CHD7: variants seen among roughly 807,000 people sequenced by gnomAD.
CHD7 encodes the protein chromodomain helicase DNA binding protein 7, also known as ATP-dependent chromatin remodeler CHD7.
In CHD7, 24 loss-of-function variants were observed where a neutral mutation model predicts 307.3. That is an observed-to-expected ratio of 0.08 (90% CI 0.06 to 0.11). The LOEUF is 0.11. Among genes scored for constraint, CHD7 ranks in the 10% least tolerant of loss-of-function variants. The probability of loss-of-function intolerance (pLI) is 1.00; values close to 1 mark genes in which losing one functional copy is unlikely to be tolerated. For missense variants in CHD7, 3,106 were observed against 3,727.1 expected, an observed-to-expected ratio of 0.83 and a Z score of 4.34; for synonymous variants, 1,363 against 1,349.9, an observed-to-expected ratio of 1.01 and a Z score of -0.21.
intron 13 of CHD7, among the ~76,000 whole-genome samples, chr8:60,827,435 C>T (rs759435685): frequency 3.3e-5 from 5 of 152,086 alleles, no homozygotes; most frequent in Admixed American, 6.5e-5. Flanking sequence ...TGCAGTAACT[C>T]TTTCCTGAAT....
intron 1 of CHD7, among the ~76,000 whole-genome samples, chr8:60,723,344 G>A (rs1194344721): frequency 6.6e-6 from 1 of 152,018 alleles, no homozygotes; most frequent in Admixed American, 6.6e-5. Flanking sequence ...TATAACCGTA[G>A]TTTTTCAGTT....
chr8:60,683,647 A>G lies in CHD7; in HGVS notation c.-175+4565A>G, dbSNP rs561830218. Reference sequence around the variant, plus strand: ...TTTACAGATTAAGAAACTAAAGTCCAGAGAGATTAATTAAATGAACTGCCT... The same window carrying G: ...TTTACAGATTAAGAAACTAAAGTCCGGAGAGATTAATTAAATGAACTGCCT... On this transcript the variant is annotated intron_variant, in intron 1 of 37. Transcript: ENST00000423902. Among the ~76,000 whole-genome samples, 12 of 152,362 alleles carry G rather than the reference A, an allele frequency of 7.9e-5. No individual in the cohort carries two copies. The East Asian group carries it at 2.3e-3, about 29-fold the overall frequency.
chr8:60,865,984 C>G lies in CHD7; in HGVS notation c.*51C>G. On this transcript the variant is annotated 3_prime_UTR_variant, in exon 38 of 38. Coordinates refer to ENST00000423902, the MANE Select transcript of CHD7 (RefSeq NM_017780.4). The surrounding 1 kb of genome is among the most constrained non-coding windows in gnomAD (Gnocchi z 4.3). ...TTAAAACTTTTGACAAGTGGTAGTC[C>G]TACTGTTTACACTCACAGTTAATGT... 3 of 1,431,814 alleles carry G rather than the reference C, an allele frequency of 2.1e-6. No individual in the cohort carries two copies. Among genetic ancestry groups the G allele is most frequent in the Admixed American group, 3.9e-5 (2 of 51,056 alleles). 88.7% of individuals were successfully genotyped at this position (1,431,814 alleles called of 1,614,324 possible).
intron 7 of CHD7, among the ~76,000 whole-genome samples, chr8:60,814,948 A>G (rs1803655283): frequency 6.6e-6 from 1 of 152,244 alleles, no homozygotes; most frequent in Non-Finnish European, 1.5e-5. Context: ...AAAATGCTCC[A>G]TTGAGCATTT....
At chr8:60,753,170 G>A (rs1191296584) in intron 2 of CHD7, among the ~76,000 whole-genome samples, 2 of 152,178 alleles carry the variant, frequency 1.3e-5, no homozygotes, top group Non-Finnish European at 2.9e-5. Context: ...TAAGTAAGAT[G>A]CTAAGTAGTA....
rs779923086 is a variant in CHD7 at position 60,836,143 on chromosome 8, G to C, written c.3849G>C (p.Gln1283His). The C allele has an allele frequency of 2.5e-6, 4 of 1,613,560 alleles. No individual in the cohort carries two copies. The African/African-American group carries it at 5.3e-5, about 22-fold the overall frequency. ...CAGAGTCTCCAGATTTTCAGCTCCA[G>C]GCAATGATCCAGGCTGCTGGCAAGC... ...HNAESPDFQL[Q>H]AMIQAAGKLV... Residue 1283 changes from glutamine to histidine, a missense_variant, in exon 16 of 38, where the codon CAG becomes CAC. Gln to His is a conservative substitution (Grantham distance 24). Transcript: ENST00000423902.
chr8:60,731,193 C>T (rs1808436154), intron 1 of CHD7, among the ~76,000 whole-genome samples: 2 of 144,068 alleles, frequency 1.4e-5, no homozygotes, highest in South Asian at 4.7e-4. Context: ...AAAATGCTTC[C>T]TTTAAATGAA....
At chr8:60,739,691 A>T (rs1808894134) in intron 1 of CHD7, among the ~76,000 whole-genome samples, 1 of 152,206 alleles carries the variant, frequency 6.6e-6, no homozygotes, top group African/African-American at 2.4e-5. Flanking sequence ...GTGAACAGGA[A>T]TGTTGTTTAC....
At chr8:60,811,010 G>C (rs1812779572) in intron 7 of CHD7, among the ~76,000 whole-genome samples, 1 of 152,126 alleles carries the variant, frequency 6.6e-6, no homozygotes. Context: ...TAGGTTTTGT[G>C]CTCCTTATGA....
intron 14 of CHD7, 49 bp from the exon 15 acceptor site, chr8:60,830,273 A>G: frequency 6.4e-7 from 1 of 1,556,736 alleles, no homozygotes; most frequent in African/African-American, 1.4e-5. Context: ...ATATGTTTTA[A>G]CTTGCAAGCA....
intron 1 of CHD7, among the ~76,000 whole-genome samples, chr8:60,695,005 G>A (rs1806398022): frequency 1.3e-5 from 2 of 152,192 alleles, no homozygotes; most frequent in South Asian, 4.1e-4. Context: ...AGGTGGTAGA[G>A]CTTTGGCTAG....
chr8:60,853,639 TA>T, intron 31 of CHD7, 139 bp downstream of exon 31: 1 of 647,882 alleles, frequency 1.5e-6, no homozygotes, highest in South Asian at 3.5e-5. Flanking sequence ...AATTTCAAGT[TA>T]TGCTTATATC....
chr8:60,689,358 A>T (rs1806078537), intron 1 of CHD7, among the ~76,000 whole-genome samples: 1 of 152,374 alleles, frequency 6.6e-6, no homozygotes, highest in East Asian at 1.9e-4. Context: ...GCATTTTGCT[A>T]AGCTATTTAC....
chr8:60,812,747 TTTTA>T (rs1416988366), intron 7 of CHD7, among the ~76,000 whole-genome samples: 2 of 151,806 alleles, frequency 1.3e-5, no homozygotes, highest in African/African-American at 4.8e-5. Flanking sequence ...TATTTATTTA[TTTTA>T]TTTATTTTTT....
chr8:60,721,369 G>A (rs1175682769), intron 1 of CHD7, among the ~76,000 whole-genome samples: 1 of 152,176 alleles, frequency 6.6e-6, no homozygotes, highest in African/African-American at 2.4e-5. Flanking sequence ...CTGCCTATAA[G>A]CCAAGAGAAG....
chr8:60,790,461 C>G (rs2150688461), intron 3 of CHD7, among the ~76,000 whole-genome samples: 1 of 152,270 alleles, frequency 6.6e-6, no homozygotes, highest in East Asian at 1.9e-4. Context: ...TTAAAAAATG[C>G]TAGGTTTCAC....
rs574626002 is a variant in CHD7 at position 60,722,434 on chromosome 8, G to A, written c.-174-18825G>A. Among the ~76,000 whole-genome samples, 33 of 152,138 alleles carry A rather than the reference G, an allele frequency of 2.2e-4. No individual in the cohort carries two copies. The South Asian group carries it at 6.4e-3, about 30-fold the overall frequency. On this transcript the variant is annotated intron_variant, in intron 1 of 37. Coordinates refer to ENST00000423902, the MANE Select transcript of CHD7 (RefSeq NM_017780.4). ...ACAAGTTTTAAATATATAATTACTG[G>A]CATATTGTATTTTCAACAATGTTAT...
intron 2 of CHD7, 68 bp downstream of exon 2, chr8:60,743,165 A>G: frequency 7.3e-7 from 1 of 1,372,712 alleles, no homozygotes; most frequent in Non-Finnish European, 1.0e-6. Flanking sequence ...TGTCTGATCG[A>G]ATTTTTCTTT....
Position 60,862,536 on chromosome 8 carries a change from G to A in CHD7, c.7972-12G>A, listed in dbSNP as rs1259411398. The A allele has an allele frequency of 5.8e-6, 9 of 1,556,822 alleles. No individual in the cohort carries two copies. The highest frequency in any genetic ancestry group is 1.4e-5 in the African/African-American group (1 of 73,378). On this transcript the variant is annotated splice_polypyrimidine_tract_variant and intron_variant, in intron 36 of 37. Transcript: ENST00000423902. ...CTGTGTTTTTAATCATTTGTCAAAT[G>A]CCTCTACCCAGATGGGTGGAGCTAT...
Sources: allele counts gnomAD v4.1 joint callset (sites outside exome capture counted in the v4.1 genomes callset), GRCh38; gene constraint gnomAD v4.1.1; non-coding constraint Gnocchi (gnomAD v3.1); transcripts MANE v1.5; gene names NCBI Gene and HGNC (gene_info 2026-07-23, HGNC 2026-07-21).